RFX7: variants seen among roughly 807,000 people sequenced by gnomAD.
RFX7 encodes the protein regulatory factor X7.
Under a neutral mutation model 111.8 loss-of-function variants are expected in RFX7, and 26 were observed. The observed-to-expected ratio is 0.23, with a 90% CI of 0.17 to 0.32. The LOEUF (loss-of-function observed/expected upper bound fraction) is 0.32. Among genes scored for constraint, RFX7 ranks in the 10% least tolerant of loss-of-function variants. The probability of loss-of-function intolerance (pLI) is 1.00; values close to 1 mark genes in which losing one functional copy is unlikely to be tolerated. For synonymous variants in RFX7, 624 were observed against 624.4 expected, an observed-to-expected ratio of 1.00 and a Z score of 0.01; for missense variants, 1,573 against 1,772.9, an observed-to-expected ratio of 0.89 and a Z score of 2.02.
chr15:56,171,725 C>A (rs796702488), intron 3 of RFX7, among the ~76,000 whole-genome samples: 2 of 152,028 alleles, frequency 1.3e-5, no homozygotes, highest in African/African-American at 4.8e-5. Flanking sequence ...GTTATAGCAG[C>A]AATAGGAGAC....
intron 2 of RFX7, among the ~76,000 whole-genome samples, chr15:56,219,462 T>A (rs1012101983): frequency 6.6e-6 from 1 of 152,182 alleles, no homozygotes; most frequent in African/African-American, 2.4e-5. Context: ...GTACAGATTA[T>A]TTTGTTACCT....
rs552673161 is a variant in RFX7 at position 56,146,033 on chromosome 15, G to A, written c.196-1550C>T. Among the ~76,000 whole-genome samples, 109 of 152,142 alleles carry A rather than the reference G, an allele frequency of 7.2e-4. 1 individual carries two copies. Among genetic ancestry groups the A allele is most frequent in the Admixed American group, 3.7e-3 (56 of 15,280 alleles). On this transcript the variant is annotated intron_variant, in intron 3 of 9. Coordinates refer to ENST00000559447, the MANE Select transcript of RFX7 (RefSeq NM_022841.7). ...CTTAAATTTCTAAAATGTCTAACCA[G>A]CTGGTTTTCCTACCTCCGATGTCAC...
At position 56,094,174 on chromosome 15, in the gene RFX7, A is replaced by G; in HGVS notation, c.3554T>C (p.Val1185Ala). ...CACATTAGATCGTGGGATATTAGAT[A>G]CTGGATAGAGGGTGCTTCCACTAAG... ...RNLSGSTLYP[V>A]SNIPRSNVTP... The change falls in exon 10 of 10, where the codon GTA (valine) becomes GCA (alanine). Residue 1185 changes from valine to alanine, a missense_variant. Val to Ala is a moderately conservative substitution (Grantham distance 64, BLOSUM62 0). Transcript: ENST00000559447. The G allele has an allele frequency of 6.2e-7, 1 of 1,613,964 alleles. No individual in the cohort carries two copies. The highest frequency in any genetic ancestry group is 8.5e-7 in the Non-Finnish European group (1 of 1,179,868).
Position 56,242,214 on chromosome 15 carries a change from AT to A in RFX7, c.161+910del, listed in dbSNP as rs545325039. The stretch of plus-strand genomic sequence containing the variant: ...AGCAATCTTAGACCAAATTCCAAAT[AT>A]TACTTTCCATTTAAAAAATATTGCT... On this transcript the variant is annotated intron_variant, in intron 2 of 9. Transcript: ENST00000559447. Among the ~76,000 whole-genome samples, 18 of 152,328 alleles carry A rather than the reference AT, an allele frequency of 1.2e-4. No homozygotes were observed. In the East Asian group the frequency reaches 3.3e-3, roughly 28 times the overall value.
At chr15:56,127,685 C>T (rs903866946) in intron 5 of RFX7, among the ~76,000 whole-genome samples, 17 of 151,362 alleles carry the variant, frequency 1.1e-4, no homozygotes, top group Middle Eastern at 3.2e-3. Flanking sequence ...GTAGCTGGGA[C>T]TACAGGCGCG....
At position 56,093,115 on chromosome 15, in the gene RFX7, C is replaced by T. The variant is rs1477726158; in HGVS notation, c.*230G>A. 1.3e-5 allele frequency: 6 copies of T among 452,330 alleles called. No individual in the cohort carries two copies. Among genetic ancestry groups the T allele is most frequent in the Admixed American group, 3.7e-5 (1 of 26,952 alleles). The allele number at this position is 452,330 out of a possible 1,614,324, so 28.0% of individuals were successfully genotyped here. ...TCAATCAATGTGAATAAATGGGGCACATTATAAAATTTAAAACCTAATACT... is the reference window on the plus strand; with the variant it reads ...TCAATCAATGTGAATAAATGGGGCATATTATAAAATTTAAAACCTAATACT... On this transcript the variant is annotated 3_prime_UTR_variant, in exon 10 of 10. Coordinates refer to ENST00000559447, the MANE Select transcript of RFX7 (RefSeq NM_022841.7).
chr15:56,131,674 A>C (rs2042219645), intron 5 of RFX7, among the ~76,000 whole-genome samples: 1 of 152,232 alleles, frequency 6.6e-6, no homozygotes, highest in African/African-American at 2.4e-5. Flanking sequence ...TTCACTTCTC[A>C]TTAAAAAGAA....
At chr15:56,217,323 G>T (rs565597474) in intron 2 of RFX7, among the ~76,000 whole-genome samples, 5 of 151,784 alleles carry the variant, frequency 3.3e-5, no homozygotes, top group Non-Finnish European at 4.4e-5. Flanking sequence ...GTCCACTTTC[G>T]CATTTTCCCT....
At chr15:56,216,557 A>G (rs562046763) in intron 2 of RFX7, among the ~76,000 whole-genome samples, 214 of 152,306 alleles carry the variant, frequency 1.4e-3, no homozygotes, top group Non-Finnish European at 2.5e-3. Context: ...GTTTGCAAAG[A>G]AACCAAATTA....
At chr15:56,143,503 G>T (rs970480911) in intron 4 of RFX7, among the ~76,000 whole-genome samples, 31 of 151,982 alleles carry the variant, frequency 2.0e-4, no homozygotes, top group Non-Finnish European at 4.1e-4. Flanking sequence ...CAGGCCCCCT[G>T]CCTCAGCCTG....
At chr15:56,222,694 T>C (rs1315417523) in intron 2 of RFX7, among the ~76,000 whole-genome samples, 2 of 152,176 alleles carry the variant, frequency 1.3e-5, no homozygotes, top group Non-Finnish European at 2.9e-5. Context: ...GCTGATATTC[T>C]CTATCTGTGC....
In RFX7 at chr15:56,096,459, A is replaced by G. The variant is rs1254709357; in HGVS notation, c.1269T>C (p.Arg423=). 1.2e-6 allele frequency: 2 copies of G among 1,612,436 alleles called. No homozygotes were observed. The highest frequency in any genetic ancestry group is 2.7e-5 in the African/African-American group (2 of 75,002). ...QNVPASPGGD[R]SARHRYPQIL... ...TCTGAGGGTAACGGTGCCGGGCAGA[A>G]CGATCCCCACCAGGACTGGCTGGAA... The change falls in exon 10 of 10, where the codon CGT becomes CGC. Residue 423 remains arginine (R), a synonymous_variant. Coordinates refer to ENST00000559447, the MANE Select transcript of RFX7 (RefSeq NM_022841.7).
At chr15:56,155,870 T>C (rs1336473284) in intron 3 of RFX7, among the ~76,000 whole-genome samples, 4 of 152,116 alleles carry the variant, frequency 2.6e-5, no homozygotes, top group Non-Finnish European at 5.9e-5. Flanking sequence ...TTTCAAATGA[T>C]ATTAACCAAG....
chr15:56,165,764 A>C (rs2042774648), intron 3 of RFX7, among the ~76,000 whole-genome samples: 1 of 152,224 alleles, frequency 6.6e-6, no homozygotes, highest in African/African-American at 2.4e-5. Context: ...GGCAAAACAT[A>C]AAAATGCTTT....
intron 2 of RFX7, chr15:56,193,270 A>T (rs1344647672): frequency 6.5e-6 from 1 of 152,970 alleles, no homozygotes; most frequent in Admixed American, 6.5e-5. Flanking sequence ...GCCATGGTGC[A>T]GTGGCGGCGG....
chr15:56,240,204 A>G (rs2043673342), intron 2 of RFX7, among the ~76,000 whole-genome samples: 1 of 151,980 alleles, frequency 6.6e-6, no homozygotes, highest in African/African-American at 2.4e-5. Flanking sequence ...GCACATGCCT[A>G]CTAAGAAATC....
intron 2 of RFX7, among the ~76,000 whole-genome samples, chr15:56,215,153 A>G (rs2043351130): frequency 6.6e-6 from 1 of 152,242 alleles, no homozygotes; most frequent in Non-Finnish European, 1.5e-5. Flanking sequence ...TAACCTATGC[A>G]CACCTTCATG....
chr15:56,184,321 G>A (rs568291901), intron 2 of RFX7, among the ~76,000 whole-genome samples: 1 of 150,838 alleles, frequency 6.6e-6, no homozygotes, highest in African/African-American at 2.4e-5. Flanking sequence ...TTACAGGTGT[G>A]AGCCACTGCG....
Position 56,094,563 on chromosome 15 carries a change from T to C in RFX7, c.3165A>G (p.Thr1055=), listed in dbSNP as rs369042534. 1.9e-6 allele frequency: 3 copies of C among 1,613,826 alleles called. No homozygotes were observed. Among genetic ancestry groups the C allele is most frequent in the Non-Finnish European group, 2.5e-6 (3 of 1,179,880 alleles). The change falls in exon 10 of 10, where the codon ACA becomes ACG. Residue 1055 remains threonine (T), a synonymous_variant. Coordinates refer to ENST00000559447, the MANE Select transcript of RFX7 (RefSeq NM_022841.7). ...PVKPMQRPMA[T]HPDKTKLEWM... is the part of the protein sequence containing the mutation. ...ATTCAAGCTTGGTTTTGTCAGGGTG[T>C]GTGGCCATGGGTCTTTGCATCGGTT...
Sources: gnomAD v4.1 joint callset for allele counts (sites outside exome capture counted in the v4.1 genomes callset) on GRCh38, gnomAD v4.1.1 for gene constraint, MANE v1.5 for transcripts, NCBI Gene and HGNC (gene_info 2026-07-23, HGNC 2026-07-21) for gene names.